TRAPPC9: variants seen among roughly 807,000 people sequenced by gnomAD.
The protein encoded by TRAPPC9 is trafficking protein particle complex subunit 9.
In TRAPPC9, 83 loss-of-function variants were observed where a neutral mutation model predicts 124.0. That is an observed-to-expected ratio of 0.67 (90% CI 0.56 to 0.80). The LOEUF is 0.80. Among genes scored for constraint, TRAPPC9 ranks in the 30% least tolerant of loss-of-function variants. The pLI, the probability that TRAPPC9 is intolerant of heterozygous loss-of-function variation, is 0.00. For synonymous variants in TRAPPC9, 638 were observed against 617.5 expected (o/e 1.03, Z -0.49); for missense variants, 1,302 against 1,508.3 (o/e 0.86, Z 2.27).
intron 6 of TRAPPC9, among the ~76,000 whole-genome samples, chr8:140,402,748 C>T (rs2069324957): frequency 6.7e-6 from 1 of 149,692 alleles, no homozygotes; most frequent in Non-Finnish European, 1.5e-5. Context: ...AAGTAAACTA[C>T]TAAAATAGAT....
chr8:140,233,025 A>T (rs576591518), intron 16 of TRAPPC9, among the ~76,000 whole-genome samples: 5 of 152,214 alleles, frequency 3.3e-5, no homozygotes, highest in Non-Finnish European at 7.3e-5. Context: ...TCCCTAAAAG[A>T]CAGGCAAAGC....
intron 11 of TRAPPC9, among the ~76,000 whole-genome samples, chr8:140,293,099 A>C (rs1255160947): frequency 6.7e-6 from 1 of 148,524 alleles, no homozygotes; most frequent in Non-Finnish European, 1.5e-5. Flanking sequence ...ATGCAGCCAA[A>C]AAACACATGA....
chr8:140,328,104 A>T (rs1474910678), intron 9 of TRAPPC9, among the ~76,000 whole-genome samples: 1 of 152,016 alleles, frequency 6.6e-6, no homozygotes, highest in Admixed American at 6.6e-5. Flanking sequence ...AAAATACAAA[A>T]ATTAGCTGGG....
At chr8:140,235,664 A>C (rs571183102) in intron 16 of TRAPPC9, among the ~76,000 whole-genome samples, 6 of 152,240 alleles carry the variant, frequency 3.9e-5, no homozygotes, top group Non-Finnish European at 8.8e-5. Context: ...GAGCTGGAGC[A>C]AGAGAGAGTT....
chr8:139,872,388 G>GTGGATGGATGGA (rs112393714), intron 21 of TRAPPC9, among the ~76,000 whole-genome samples: 1,166 of 74,864 alleles, frequency 0.016, 44 homozygotes, highest in African/African-American at 0.034. Context: ...GGATAAGTGG[G>GTGGATGGATGGA]TGGATGGATG....
intron 18 of TRAPPC9, among the ~76,000 whole-genome samples, chr8:140,002,123 C>T (rs1053234474): frequency 9.2e-5 from 14 of 151,598 alleles, no homozygotes; most frequent in East Asian, 1.9e-4. Flanking sequence ...CAGACAAAGA[C>T]GGAAGAAAAA....
intron 21 of TRAPPC9, among the ~76,000 whole-genome samples, chr8:139,818,557 T>C (rs1038313664): frequency 6.6e-6 from 1 of 151,590 alleles, no homozygotes; most frequent in Non-Finnish European, 1.5e-5. Flanking sequence ...GTCTGGGCAA[T>C]AGAGCAAGGC....
At chr8:140,319,215 G>A (rs180948302) in intron 9 of TRAPPC9, among the ~76,000 whole-genome samples, 18 of 128,754 alleles carry the variant, frequency 1.4e-4, no homozygotes, top group African/African-American at 3.6e-4. Context: ...TTGCTCTGTC[G>A]CCCAGGCTGG....
intron 21 of TRAPPC9, among the ~76,000 whole-genome samples, chr8:139,818,347 A>C (rs1483838282): frequency 6.6e-6 from 1 of 152,212 alleles, no homozygotes; most frequent in East Asian, 1.9e-4. Context: ...AGGCCAAGGC[A>C]GGCCGATCAC....
intron 19 of TRAPPC9, among the ~76,000 whole-genome samples, chr8:139,981,013 AAGAAT>A (rs1836857542): frequency 6.6e-6 from 1 of 152,196 alleles, no homozygotes; most frequent in African/African-American, 2.4e-5. Flanking sequence ...ACAGAAAGAG[AAGAAT>A]TTCTCTTGTC....
chr8:140,040,847 C>T (rs144945329), intron 17 of TRAPPC9: 142 of 152,300 alleles, frequency 9.3e-4, no homozygotes, highest in African/African-American at 3.3e-3. Flanking sequence ...AAGTCAACTG[C>T]AATCAAGATG....
At chr8:140,018,952 T>C (rs925322396) in intron 18 of TRAPPC9, among the ~76,000 whole-genome samples, 7 of 152,258 alleles carry the variant, frequency 4.6e-5, no homozygotes, top group African/African-American at 1.7e-4. Context: ...TTCTTGTAGA[T>C]GGCCTTTGTC....
At chr8:139,852,224 A>G (rs1272827993) in intron 21 of TRAPPC9, among the ~76,000 whole-genome samples, 2 of 152,170 alleles carry the variant, frequency 1.3e-5, no homozygotes, top group Non-Finnish European at 2.9e-5. Context: ...ACCACGTGGA[A>G]CTGTGAGTCC....
At chr8:140,089,914 C>T (rs1844451610) in intron 17 of TRAPPC9, among the ~76,000 whole-genome samples, 1 of 152,024 alleles carries the variant, frequency 6.6e-6, no homozygotes, top group Admixed American at 6.5e-5. Context: ...CCTGTCTCTA[C>T]TAAAAATATA....
At chr8:139,914,943 C>T (rs1393432549) in intron 19 of TRAPPC9, 1 of 152,242 alleles carries the variant, frequency 6.6e-6, no homozygotes, top group African/African-American at 2.4e-5. Context: ...AATATTCATG[C>T]AATTCCCCAT....
chr8:140,141,871 C>T (rs993974145), intron 17 of TRAPPC9, among the ~76,000 whole-genome samples: 50 of 152,274 alleles, frequency 3.3e-4, no homozygotes, highest in Admixed American at 3.1e-3. Flanking sequence ...AGTAGTGCTG[C>T]CCACTCATTT....
intron 17 of TRAPPC9, among the ~76,000 whole-genome samples, chr8:140,156,532 C>A (rs754047779): frequency 1.6e-4 from 25 of 152,160 alleles, no homozygotes; most frequent in Non-Finnish European, 3.2e-4. Context: ...AAGAGAAAGA[C>A]CACATGATTC....
chr8:140,398,472 A>G (rs925204398), intron 6 of TRAPPC9, among the ~76,000 whole-genome samples: 1 of 152,204 alleles, frequency 6.6e-6, no homozygotes, highest in South Asian at 2.1e-4. Flanking sequence ...ATGGACAACG[A>G]AAGAGGGCTG....
intron 17 of TRAPPC9, among the ~76,000 whole-genome samples, chr8:140,157,816 C>T (rs777319064): frequency 4.1e-4 from 63 of 152,022 alleles, no homozygotes; most frequent in Non-Finnish European, 4.3e-4. Flanking sequence ...AGAAATAACC[C>T]TTGTTAACAT....
Sources: gnomAD v4.1 joint callset for allele counts (sites outside exome capture counted in the v4.1 genomes callset) on GRCh38, gnomAD v4.1.1 for gene constraint, MANE v1.5 for transcripts, NCBI Gene and HGNC (gene_info 2026-07-23, HGNC 2026-07-21) for gene names.